KLHL29: variants seen among roughly 807,000 people sequenced by gnomAD.
The protein encoded by KLHL29 is kelch-like protein 29.
A neutral mutation model predicts 80.4 loss-of-function variants in KLHL29; 21 were observed. The ratio of observed to expected loss-of-function variants is 0.26; its 90% CI spans 0.19 to 0.38. The LOEUF is 0.38. Among genes scored for constraint, KLHL29 ranks in the 10% least tolerant of loss-of-function variants. The pLI is 1.00. For synonymous variants in KLHL29, 511 were observed against 526.8 expected, an observed-to-expected ratio of 0.97 and a Z score of 0.41; for missense variants, 867 against 1,223.9, an observed-to-expected ratio of 0.71 and a Z score of 4.35.
chr2:23,504,055 T>C (rs538809318), intron 2 of KLHL29, among the ~76,000 whole-genome samples: 26 of 152,128 alleles, frequency 1.7e-4, no homozygotes, highest in African/African-American at 6.3e-4. Flanking sequence ...GACATCCTAC[T>C]GGGAGCTCGG....
intron 3 of KLHL29, among the ~76,000 whole-genome samples, chr2:23,612,981 G>A (rs950740368): frequency 3.3e-5 from 5 of 150,742 alleles, no homozygotes; most frequent in Non-Finnish European, 7.4e-5. Context: ...GAAATGGGGT[G>A]GAGAACAAAT....
intron 2 of KLHL29, chr2:23,532,473 C>T (rs976129381): frequency 2.1e-5 from 9 of 430,076 alleles, no homozygotes; most frequent in South Asian, 6.9e-5. Context: ...GCACCCAGGG[C>T]GGCACCCAGG....
chr2:23,417,872 G>T (rs1252744255), intron 1 of KLHL29, among the ~76,000 whole-genome samples: 1 of 152,120 alleles, frequency 6.6e-6, no homozygotes, highest in Non-Finnish European at 1.5e-5. Context: ...CTCTACTGAG[G>T]CTGTGTCCAG....
chr2:23,535,692 A>T (rs1008195909), intron 2 of KLHL29, among the ~76,000 whole-genome samples: 5 of 152,204 alleles, frequency 3.3e-5, no homozygotes, highest in African/African-American at 4.8e-5. Flanking sequence ...CACTTATACG[A>T]GGTACCTAGA....
chr2:23,554,381 C>T (rs1034073480), intron 2 of KLHL29, among the ~76,000 whole-genome samples: 5 of 152,204 alleles, frequency 3.3e-5, no homozygotes, highest in African/African-American at 4.8e-5. Context: ...CCGGCCGGGC[C>T]GAGGCTCATT....
chr2:23,505,549 G>T (rs941270076), intron 2 of KLHL29, among the ~76,000 whole-genome samples: 6 of 152,184 alleles, frequency 3.9e-5, no homozygotes, highest in Non-Finnish European at 7.3e-5. Flanking sequence ...GGTTGTCTGG[G>T]TGGCCACAGG....
chr2:23,468,357 G>A (rs1170317382), intron 1 of KLHL29, among the ~76,000 whole-genome samples: 1 of 152,154 alleles, frequency 6.6e-6, no homozygotes, highest in Non-Finnish European at 1.5e-5. Flanking sequence ...GTGCTGTGCA[G>A]ACCAGGAGTG....
chr2:23,573,378 C>T (rs1035555141), intron 3 of KLHL29, among the ~76,000 whole-genome samples: 4 of 152,092 alleles, frequency 2.6e-5, no homozygotes, highest in African/African-American at 4.8e-5. Flanking sequence ...TATAACTCTC[C>T]GAGTAATTAT....
At chr2:23,583,369 G>C (rs1179647516) in intron 3 of KLHL29, among the ~76,000 whole-genome samples, 5 of 152,216 alleles carry the variant, frequency 3.3e-5, no homozygotes, top group African/African-American at 1.2e-4. Flanking sequence ...GGAGCAGCAG[G>C]CTGACCTGCT....
intron 2 of KLHL29, among the ~76,000 whole-genome samples, chr2:23,520,236 G>A (rs538371920): frequency 5.3e-5 from 8 of 152,122 alleles, no homozygotes; most frequent in Admixed American, 2.6e-4. Context: ...ACCTCAAAAC[G>A]GGGTACAGGG....
intron 1 of KLHL29, among the ~76,000 whole-genome samples, chr2:23,391,946 G>A (rs1333679988): frequency 9.9e-5 from 15 of 152,238 alleles, no homozygotes; most frequent in Admixed American, 9.8e-4. Context: ...TGATACTGCA[G>A]AGGGATTAGA....
At chr2:23,513,452 G>C (rs1653774) in intron 2 of KLHL29, among the ~76,000 whole-genome samples, 118,320 of 152,044 alleles carry the variant, frequency 0.78, 46,297 homozygotes, top group Non-Finnish European at 0.82. Flanking sequence ...GTCAGGGTGG[G>C]CAGGGTCCAG....
chr2:23,395,482 C>T (rs1057094399), intron 1 of KLHL29, among the ~76,000 whole-genome samples: 2 of 152,156 alleles, frequency 1.3e-5, no homozygotes, highest in Admixed American at 6.5e-5. Flanking sequence ...CATGGTGGCT[C>T]ACGCCTGTGA....
chr2:23,593,059 G>C (rs1340013625), intron 3 of KLHL29, among the ~76,000 whole-genome samples: 2 of 152,178 alleles, frequency 1.3e-5, no homozygotes, highest in Admixed American at 1.3e-4. Flanking sequence ...AGCGGGTGGG[G>C]ATATTGAGGT....
At chr2:23,447,705 TG>T (rs1253982265) in intron 1 of KLHL29, among the ~76,000 whole-genome samples, 1 of 152,178 alleles carries the variant, frequency 6.6e-6, no homozygotes. Context: ...GCCAAAATTC[TG>T]AAATAGAAAA....
At chr2:23,515,093 A>G (rs1435139648) in intron 2 of KLHL29, among the ~76,000 whole-genome samples, 2 of 152,184 alleles carry the variant, frequency 1.3e-5, no homozygotes, top group African/African-American at 4.8e-5. Context: ...GAATTAATGA[A>G]CTTGATAGTT....
At chr2:23,479,729 A>G (rs1426614894) in intron 2 of KLHL29, among the ~76,000 whole-genome samples, 2 of 151,996 alleles carry the variant, frequency 1.3e-5, no homozygotes, top group East Asian at 3.9e-4. Flanking sequence ...GAAGCCTTGT[A>G]CTCGTACTGT....
At chr2:23,704,570 C>G in intron 13 of KLHL29, among the ~76,000 whole-genome samples, 1 of 152,192 alleles carries the variant, frequency 6.6e-6, no homozygotes, top group East Asian at 1.9e-4. Context: ...AGTTCAAGAC[C>G]AGCTTGGCCA....
chr2:23,639,329 G>C, intron 4 of KLHL29, 49 bp downstream of exon 4: 1 of 1,519,206 alleles, frequency 6.6e-7, no homozygotes, highest in Non-Finnish European at 8.8e-7. Context: ...GGGCTTGGCG[G>C]GAAGCTAGAG....
Sources: allele counts gnomAD v4.1 joint callset (sites outside exome capture counted in the v4.1 genomes callset), GRCh38; gene constraint gnomAD v4.1.1; transcripts MANE v1.5; gene names NCBI Gene and HGNC (gene_info 2026-07-23, HGNC 2026-07-21).